Variants in UNC13C observed in about 807,000 individuals in gnomAD.
The protein encoded by UNC13C is protein unc-13 homolog C.
UNC13C carries 174 observed loss-of-function variants against 245.4 expected under a neutral mutation model. The ratio of observed to expected loss-of-function variants is 0.71; its 90% CI spans 0.63 to 0.80. UNC13C has a LOEUF of 0.80. Among genes scored for constraint, UNC13C ranks in the 30% least tolerant of loss-of-function variants. The pLI is 0.00. For missense variants in UNC13C, 2,829 were observed against 2,602.9 expected (o/e 1.09, Z -1.89); for synonymous variants, 992 against 895.1 (o/e 1.11, Z -1.93).
At chr15:54,532,717 C>T (rs1259534675) in intron 25 of UNC13C, among the ~76,000 whole-genome samples, 200 bp from the exon 26 acceptor site, 3 of 152,136 alleles carry the variant, frequency 2.0e-5, no homozygotes, top group African/African-American at 7.2e-5. Flanking sequence ...AAGAACAGCA[C>T]TTTTATCTGC....
chr15:54,458,238 A>C (rs1182047302), intron 19 of UNC13C, among the ~76,000 whole-genome samples: 1 of 151,950 alleles, frequency 6.6e-6, no homozygotes, highest in Non-Finnish European at 1.5e-5. Context: ...TTTCACTGTG[A>C]CCTGAGAAAG....
chr15:54,408,218 A>AAAAAAAC (rs2040345549), intron 18 of UNC13C, among the ~76,000 whole-genome samples: 1 of 148,528 alleles, frequency 6.7e-6, no homozygotes, highest in Non-Finnish European at 1.5e-5. Flanking sequence ...AAAAAAAAAA[A>AAAAAAAC]AAAAAAAAAA....
At chr15:54,313,913 TG>T (rs2037940359) in intron 13 of UNC13C, among the ~76,000 whole-genome samples, 1 of 151,364 alleles carries the variant, frequency 6.6e-6, no homozygotes, top group African/African-American at 2.4e-5. Context: ...ATTGAGAAAA[TG>T]TACTATGTAC....
At chr15:54,029,378 C>T (rs897914664) in intron 2 of UNC13C, among the ~76,000 whole-genome samples, 24 of 152,224 alleles carry the variant, frequency 1.6e-4, no homozygotes, top group Admixed American at 6.5e-5. Context: ...GATACAAACA[C>T]GTGGTTTCCT....
intron 2 of UNC13C, among the ~76,000 whole-genome samples, chr15:54,129,091 T>C (rs921389509): frequency 3.3e-5 from 5 of 152,236 alleles, no homozygotes; most frequent in Non-Finnish European, 5.9e-5. Context: ...TTTCAGAGTT[T>C]ATCATATTTT....
At chr15:54,529,349 T>C (rs1382660481) in intron 25 of UNC13C, among the ~76,000 whole-genome samples, 1 of 152,200 alleles carries the variant, frequency 6.6e-6, no homozygotes, top group East Asian at 1.9e-4. Flanking sequence ...ATTAAAATTT[T>C]TCCATATTAA....
At chr15:53,852,141 C>A in the UNC13C span, among the ~76,000 whole-genome samples, 13 of 152,214 alleles carry the variant, frequency 8.5e-5, no homozygotes, top group Non-Finnish European at 1.6e-4. Flanking sequence ...CCTGTGGGAT[C>A]TGACATTTTT....
chr15:54,237,733 T>C (rs1188681806), intron 7 of UNC13C, 43 bp downstream of exon 7: 1 of 1,430,506 alleles, frequency 7.0e-7, no homozygotes, highest in Non-Finnish European at 9.7e-7. Context: ...TAGATATTGC[T>C]CATAATCACA....
upstream of UNC13C, among the ~76,000 whole-genome samples, chr15:53,977,605 C>T (rs1255636497): frequency 2.6e-5 from 4 of 152,088 alleles, no homozygotes; most frequent in African/African-American, 9.7e-5. Context: ...AGCTTAAAAC[C>T]TCCAAATTAT....
intron 1 of UNC13C, among the ~76,000 whole-genome samples, chr15:53,994,280 C>T (rs900947931): frequency 2.6e-5 from 4 of 151,586 alleles, no homozygotes; most frequent in African/African-American, 9.7e-5. Flanking sequence ...CGTACTCTAT[C>T]TTTGCAGAAA....
chr15:54,325,550 T>TC, intron 14 of UNC13C, among the ~76,000 whole-genome samples: 1 of 152,106 alleles, frequency 6.6e-6, no homozygotes, highest in African/African-American at 2.4e-5. Flanking sequence ...CCTAATGCTA[T>TC]CCCTCCCCCA....
At chr15:54,051,889 C>G (rs1454450825) in intron 2 of UNC13C, among the ~76,000 whole-genome samples, 3 of 142,070 alleles carry the variant, frequency 2.1e-5, no homozygotes, top group African/African-American at 7.9e-5. Flanking sequence ...TTAGGTATAT[C>G]TCCCAATGCT....
chr15:54,397,022 A>G (rs900743359), intron 18 of UNC13C, among the ~76,000 whole-genome samples: 2 of 151,278 alleles, frequency 1.3e-5, no homozygotes, highest in Non-Finnish European at 3.0e-5. Context: ...GCGCATTTTT[A>G]AAAAAATTTT....
At chr15:54,286,332 A>G (rs1405853159) in intron 10 of UNC13C, among the ~76,000 whole-genome samples, 1 of 152,146 alleles carries the variant, frequency 6.6e-6, no homozygotes, top group Non-Finnish European at 1.5e-5. Context: ...CTTACTATTG[A>G]GATTTTTCTG....
rs150917339 is a variant in UNC13C at position 54,591,776 on chromosome 15, A to G, written c.6106+23829A>G. On this transcript the variant is annotated intron_variant, in intron 30 of 32. Transcript: ENST00000260323. ...TTATCTTTTGTATTTTTGTTTGTAT[A>G]TTTGTTTCAATTGCATTTAGTACTG... 2.5e-4 allele frequency among the ~76,000 whole-genome samples: 38 copies of G among 151,106 alleles called. 1 individual carries two copies. In the East Asian group the frequency reaches 6.8e-3, roughly 27 times the overall value.
At chr15:54,341,975 C>CAA (rs56264981) in intron 17 of UNC13C, among the ~76,000 whole-genome samples, 78 of 126,842 alleles carry the variant, frequency 6.1e-4, no homozygotes, top group Non-Finnish European at 8.2e-4. Flanking sequence ...GACTCTGTCT[C>CAA]AAAAAAAAAA....
At chr15:54,215,886 G>A (rs28478380) in intron 4 of UNC13C, among the ~76,000 whole-genome samples, 2,233 of 152,024 alleles carry the variant, frequency 0.015, 60 homozygotes, top group African/African-American at 0.051. Flanking sequence ...AATCATGTCC[G>A]TTTCATGGCT....
intron 2 of UNC13C, among the ~76,000 whole-genome samples, chr15:54,054,529 G>A (rs1026218211): frequency 3.9e-5 from 6 of 152,054 alleles, no homozygotes; most frequent in African/African-American, 1.2e-4. Context: ...TACCATTGCA[G>A]AATCAAGAAG....
At chr15:54,024,700 C>A (rs2141008871) in intron 2 of UNC13C, among the ~76,000 whole-genome samples, 1 of 152,122 alleles carries the variant, frequency 6.6e-6, no homozygotes, top group Middle Eastern at 3.4e-3. Context: ...GGGCGGATCA[C>A]GAGGTCAGGA....
Sources: gnomAD v4.1 joint callset for allele counts (sites outside exome capture counted in the v4.1 genomes callset) on GRCh38, gnomAD v4.1.1 for gene constraint, MANE v1.5 for transcripts, NCBI Gene and HGNC (gene_info 2026-07-23, HGNC 2026-07-21) for gene names.